Variants in FGF13 observed in about 807,000 individuals in gnomAD.
FGF13 encodes the protein fibroblast growth factor 13.
Under a neutral mutation model 19.5 loss-of-function variants are expected in FGF13, and 2 were observed. That is an observed-to-expected ratio of 0.10 (90% CI 0.04 to 0.32). The LOEUF is 0.32. FGF13 is among the 10% of genes least tolerant of loss of function. The pLI is 1.00. For missense variants in FGF13, 113 were observed against 192.7 expected (o/e 0.59, Z 2.45); for synonymous variants, 72 against 76.9 (o/e 0.94, Z 0.33).
At chrX:138,910,393 T>C (rs755022482) in intron 1 of FGF13, among the ~76,000 whole-genome samples, 38 of 110,706 alleles carry the variant, frequency 3.4e-4, no homozygotes, top group Non-Finnish European at 6.2e-4. Context: ...GTGGTCAAAT[T>C]CCCAAGCAGA....
intron 1 of FGF13, among the ~76,000 whole-genome samples, chrX:139,130,970 TAAAGATAAATTTGTAAGTGGAA>T (rs1428256665): frequency 8.9e-6 from 1 of 111,989 alleles, no homozygotes; most frequent in East Asian, 2.8e-4. Context: ...AAATGCCACT[TAAAGATAAATTTGTAAGTGGAA>T]TGATTTTTCT....
chrX:138,664,530 T>C (rs1460070439), intron 3 of FGF13, among the ~76,000 whole-genome samples: 1 of 107,748 alleles, frequency 9.3e-6, no homozygotes, highest in Non-Finnish European at 1.9e-5. Flanking sequence ...CATTTGCTCA[T>C]TGATCTTCAA....
At chrX:138,850,260 A>C (rs145009934) in intron 3 of FGF13, among the ~76,000 whole-genome samples, 1,993 of 111,911 alleles carry the variant, frequency 0.018, 34 homozygotes, top group African/African-American at 0.06. Flanking sequence ...ACTGGCTACT[A>C]TACATACTCC....
chrX:139,201,867 G>A (rs1226248204), intron 1 of FGF13, among the ~76,000 whole-genome samples: 2 of 110,974 alleles, frequency 1.8e-5, no homozygotes, highest in Non-Finnish European at 3.8e-5. Flanking sequence ...AGGCTGAAAT[G>A]GCAATCTTGC....
intron 1 of FGF13, among the ~76,000 whole-genome samples, chrX:138,727,829 C>T: frequency 9.0e-6 from 1 of 111,640 alleles, no homozygotes; most frequent in African/African-American, 3.2e-5. Flanking sequence ...ATATGTTCTG[C>T]AATTTCATGC....
chrX:138,800,019 CTT>C (rs1395723370), intron 3 of FGF13, among the ~76,000 whole-genome samples: 3 of 111,688 alleles, frequency 2.7e-5, no homozygotes. Flanking sequence ...GGTATTGACT[CTT>C]TATCCAATTT....
chrX:138,909,712 C>G (rs145261330), intron 1 of FGF13, among the ~76,000 whole-genome samples: 6 of 111,793 alleles, frequency 5.4e-5, no homozygotes, highest in African/African-American at 2.0e-4. Flanking sequence ...TGATGTTGGA[C>G]AAATCCTGTA....
intron 2 of FGF13, among the ~76,000 whole-genome samples, chrX:138,705,066 C>G (rs973409022): frequency 1.2e-4 from 13 of 111,750 alleles, no homozygotes; most frequent in Middle Eastern, 4.7e-3. Flanking sequence ...AATCTGAGAT[C>G]TAAAAAACTA....
chrX:138,790,163 C>T (rs2090731574), intron 3 of FGF13, among the ~76,000 whole-genome samples: 1 of 105,123 alleles, frequency 9.5e-6, no homozygotes, highest in Non-Finnish European at 2.0e-5. Context: ...TCTAAGATCA[C>T]GATGCCAGCG....
intron 3 of FGF13, among the ~76,000 whole-genome samples, chrX:138,818,284 G>A (rs1197119183): frequency 9.0e-6 from 1 of 110,500 alleles, no homozygotes; most frequent in African/African-American, 3.3e-5. Context: ...TTTCCAACAA[G>A]TTGCTATCCA....
At chrX:138,714,452 C>G (rs768178842), upstream of FGF13, among the ~76,000 whole-genome samples, 23 of 111,963 alleles carry the variant, frequency 2.1e-4, no homozygotes, top group African/African-American at 7.5e-4. Flanking sequence ...TTGAGACCAG[C>G]CTGGCCAACA....
At chrX:138,820,043 A>C (rs2090988152) in intron 3 of FGF13, among the ~76,000 whole-genome samples, 1 of 111,839 alleles carries the variant, frequency 8.9e-6, no homozygotes, top group South Asian at 3.8e-4. Flanking sequence ...ATCCATTTGC[A>C]TCCTTGAGAA....
intron 1 of FGF13, among the ~76,000 whole-genome samples, chrX:139,081,736 CTCTCT>C: frequency 9.0e-6 from 1 of 111,268 alleles, no homozygotes; most frequent in Non-Finnish European, 1.9e-5. Flanking sequence ...CTCTCTCTCT[CTCTCT>C]TATGTGTTGC....
intron 2 of FGF13, among the ~76,000 whole-genome samples, chrX:138,706,689 G>A (rs981344499): frequency 9.0e-6 from 1 of 111,085 alleles, no homozygotes; most frequent in Admixed American, 9.6e-5. Flanking sequence ...CCAATAAAAC[G>A]GCTTGGTTTT....
At chrX:138,919,390 T>C (rs996099555) in intron 1 of FGF13, among the ~76,000 whole-genome samples, 1 of 111,944 alleles carries the variant, frequency 8.9e-6, no homozygotes, top group African/African-American at 3.2e-5. Context: ...AGGAAGATGG[T>C]ACAAAAACTC....
chrX:139,150,901 A>G (rs1603222647), intron 1 of FGF13, among the ~76,000 whole-genome samples: 1 of 110,962 alleles, frequency 9.0e-6, no homozygotes, highest in South Asian at 3.9e-4. Context: ...AGCGGCCCAC[A>G]AAGGGTGCTA....
chrX:138,765,918 T>C (rs1240179169), intron 3 of FGF13, among the ~76,000 whole-genome samples: 1 of 111,764 alleles, frequency 8.9e-6, no homozygotes, highest in Non-Finnish European at 1.9e-5. Flanking sequence ...GTACTTGCTA[T>C]TTCCTCTGCT....
intron 1 of FGF13, among the ~76,000 whole-genome samples, chrX:139,022,806 G>C (rs1435783406): frequency 1.8e-5 from 2 of 111,351 alleles, no homozygotes; most frequent in Non-Finnish European, 3.8e-5. Flanking sequence ...AAAGAAGCAA[G>C]CTCTGTCTTC....
At chrX:138,733,580 C>T (rs1449080830) in intron 1 of FGF13, among the ~76,000 whole-genome samples, 1 of 111,354 alleles carries the variant, frequency 9.0e-6, no homozygotes, top group South Asian at 3.8e-4. Flanking sequence ...GTTCATTAAT[C>T]ACAAATCTTG....
Sources: gnomAD v4.1 joint callset for allele counts (sites outside exome capture counted in the v4.1 genomes callset) on GRCh38, gnomAD v4.1.1 for gene constraint, MANE v1.5 for transcripts, NCBI Gene and HGNC (gene_info 2026-07-23, HGNC 2026-07-21) for gene names.